Variants in FLRT2 observed in about 807,000 individuals in gnomAD.
FLRT2 encodes the protein fibronectin leucine rich transmembrane protein 2.
In FLRT2, 15 loss-of-function variants were observed where a neutral mutation model predicts 40.0. That is an observed-to-expected ratio of 0.38 (90% CI 0.25 to 0.58). The LOEUF (loss-of-function observed/expected upper bound fraction) is 0.58, where lower values mean the gene tolerates loss of function less well. Among genes scored for constraint, FLRT2 ranks in the 20% least tolerant of loss-of-function variants. The pLI is 0.71. For synonymous variants in FLRT2, 380 were observed against 336.8 expected (o/e 1.13, Z -1.41); for missense variants, 726 against 840.0 (o/e 0.86, Z 1.68).
intron 1 of FLRT2, among the ~76,000 whole-genome samples, chr14:85,545,786 C>G (rs911899209): frequency 6.6e-6 from 1 of 152,186 alleles, no homozygotes; most frequent in African/African-American, 2.4e-5. Flanking sequence ...TTGTAGAGAA[C>G]ACTCTCCATT....
At chr14:85,568,718 C>T (rs1890748938) in intron 1 of FLRT2, among the ~76,000 whole-genome samples, 1 of 152,168 alleles carries the variant, frequency 6.6e-6, no homozygotes, top group Admixed American at 6.5e-5. Flanking sequence ...ACTATGGAGC[C>T]CAACCTTGGC....
chr14:85,641,073 G>T lies in FLRT2; in HGVS notation c.*17576G>T, dbSNP rs901846545. On this transcript the variant is annotated 3_prime_UTR_variant, in exon 2 of 2. Transcript: ENST00000330753. ...CAATTATTCTAATCCCTTCCACAAA[G>T]TATTTAGTCTATGACTTATTTCTGC... The T allele has an allele frequency of 6.6e-6, 1 of 152,186 alleles. No homozygotes were observed. Among genetic ancestry groups the T allele is most frequent in the Non-Finnish European group, 1.5e-5 (1 of 68,038 alleles). 9.4% of individuals were successfully genotyped at this position (152,186 alleles called of 1,614,324 possible).
At chr14:85,567,138 G>T (rs12886918) in intron 1 of FLRT2, among the ~76,000 whole-genome samples, 1 of 151,806 alleles carries the variant, frequency 6.6e-6, no homozygotes, top group Admixed American at 6.6e-5. Flanking sequence ...CTGCAAACAC[G>T]TGCATAAAGT....
intron 1 of FLRT2, among the ~76,000 whole-genome samples, chr14:85,542,354 C>T (rs1055398291): frequency 1.8e-4 from 28 of 151,664 alleles, no homozygotes; most frequent in Non-Finnish European, 2.1e-4. Context: ...TTGAGATTTG[C>T]CCCTGTTTTT....
At chr14:85,574,266 A>G (rs1734371489) in intron 1 of FLRT2, among the ~76,000 whole-genome samples, 1 of 151,130 alleles carries the variant, frequency 6.6e-6, no homozygotes, top group African/African-American at 2.4e-5. Context: ...ACATATATGT[A>G]TAATAGTATA....
intron 1 of FLRT2, among the ~76,000 whole-genome samples, chr14:85,576,922 T>C (rs1180454100): frequency 2.0e-5 from 3 of 152,232 alleles, no homozygotes; most frequent in Non-Finnish European, 4.4e-5. Flanking sequence ...ACGTTTTGTA[T>C]TTCTATTTAG....
chr14:85,622,320 T>C lies in FLRT2; in HGVS notation c.806T>C (p.Leu269Ser). The C allele has an allele frequency of 6.2e-7, 1 of 1,614,142 alleles. No individual in the cohort carries two copies. The highest frequency in any genetic ancestry group is 1.1e-5 in the South Asian group (1 of 91,080). Residue 269 changes from leucine (L) to serine (S), a missense_variant, in exon 2 of 2, where the codon TTG becomes TCG. By Grantham distance (145) the Leu-to-Ser change is moderately radical (BLOSUM62 -2). Transcript: ENST00000330753. ...GACAACCAGATAAACCACATTCCTT[T>C]GACAGCCTTCTCAAATCTGCGTAAG... ...LQDNQINHIPLTAFSNLRKLE... is the reference protein window; with the variant it reads ...LQDNQINHIPSTAFSNLRKLE...
At chr14:85,553,488 A>C (rs1889767208) in intron 1 of FLRT2, among the ~76,000 whole-genome samples, 1 of 152,154 alleles carries the variant, frequency 6.6e-6, no homozygotes, top group African/African-American at 2.4e-5. Context: ...AAAATCACAA[A>C]AATTCTTATG....
At position 85,627,236 on chromosome 14, in the gene FLRT2, GA is replaced by G. The variant is rs777918165; in HGVS notation, c.*3745del. 2 of 166,958 alleles carry G rather than the reference GA, an allele frequency of 1.2e-5. No homozygotes were observed. The highest frequency in any genetic ancestry group is 2.4e-5 in the African/African-American group (1 of 41,436). 10.3% of individuals were successfully genotyped at this position (166,958 alleles called of 1,614,324 possible). ...AAAGCAGAAAACAGTGCCCCAAATGGAAAAAAGATACTCACACAGAACAAAA... is the reference window on the plus strand; with the variant it reads ...AAAGCAGAAAACAGTGCCCCAAATGGAAAAAGATACTCACACAGAACAAAA... On this transcript the variant is annotated 3_prime_UTR_variant, in exon 2 of 2. Transcript: ENST00000330753.
intron 1 of FLRT2, among the ~76,000 whole-genome samples, chr14:85,570,612 C>T (rs1056762233): frequency 6.7e-6 from 1 of 149,170 alleles, no homozygotes; most frequent in African/African-American, 2.5e-5. Flanking sequence ...GACAGAATCT[C>T]ACTCTGTCGC....
At chr14:85,547,815 A>G (rs1463462537) in intron 1 of FLRT2, among the ~76,000 whole-genome samples, 1 of 152,130 alleles carries the variant, frequency 6.6e-6, no homozygotes, top group Non-Finnish European at 1.5e-5. Context: ...TTTTAGGGAG[A>G]CATAAGACAT....
At position 85,631,703 on chromosome 14, in the gene FLRT2, G is replaced by T. The variant is rs2139385925; in HGVS notation, c.*8206G>T. The T allele has an allele frequency of 6.6e-6, 1 of 152,202 alleles. No individual in the cohort carries two copies. The highest frequency in any genetic ancestry group is 1.5e-5 in the Non-Finnish European group (1 of 68,002). The allele number at this position is 152,202 out of a possible 1,614,324, so 9.4% of individuals were successfully genotyped here. ...CATCAACATTTTTAAAAGAAATTTT[G>T]TTTTTATGATTATTTGGTGGCCATG... On this transcript the variant is annotated 3_prime_UTR_variant, in exon 2 of 2. Transcript: ENST00000330753.
chr14:85,616,320 C>CAA (rs59010798), intron 1 of FLRT2, among the ~76,000 whole-genome samples: 318 of 127,622 alleles, frequency 2.5e-3, no homozygotes, highest in South Asian at 7.3e-3. Flanking sequence ...ATTTAAAAGA[C>CAA]AAAAAAAAAA....
At chr14:85,581,810 A>G (rs778090742) in intron 1 of FLRT2, among the ~76,000 whole-genome samples, 1 of 152,180 alleles carries the variant, frequency 6.6e-6, no homozygotes, top group African/African-American at 2.4e-5. Context: ...GTTTCATTTG[A>G]GTAAAGCTTG....
intron 1 of FLRT2, among the ~76,000 whole-genome samples, chr14:85,617,288 G>T (rs1275757902): frequency 6.6e-6 from 1 of 152,138 alleles, no homozygotes; most frequent in Non-Finnish European, 1.5e-5. Context: ...CAATTACATA[G>T]AGAACAATCA....
intron 1 of FLRT2, among the ~76,000 whole-genome samples, chr14:85,532,878 G>A (rs1212244099): frequency 6.6e-6 from 1 of 152,192 alleles, no homozygotes; most frequent in African/African-American, 2.4e-5. Flanking sequence ...CCTCTTGGCA[G>A]TACACCATTA....
At chr14:85,619,125 T>C (rs1417418105) in intron 1 of FLRT2, among the ~76,000 whole-genome samples, 1 of 151,004 alleles carries the variant, frequency 6.6e-6, no homozygotes, top group Non-Finnish European at 1.5e-5. Flanking sequence ...GTTCTTGCTC[T>C]GTCACCCAGG....
At chr14:85,605,765 C>A (rs2139341401) in intron 1 of FLRT2, among the ~76,000 whole-genome samples, 1 of 152,074 alleles carries the variant, frequency 6.6e-6, no homozygotes, top group Non-Finnish European at 1.5e-5. Context: ...GACTCCATCT[C>A]AAAAATAAAA....
intron 1 of FLRT2, among the ~76,000 whole-genome samples, chr14:85,577,587 AT>A (rs764441299): frequency 2.8e-4 from 41 of 148,892 alleles, no homozygotes; most frequent in East Asian, 6.0e-4. Flanking sequence ...TTTCCTGATT[AT>A]TTTTTTTTTT....
Sources: allele counts gnomAD v4.1 joint callset (sites outside exome capture counted in the v4.1 genomes callset), GRCh38; gene constraint gnomAD v4.1.1; transcripts MANE v1.5; gene names NCBI Gene and HGNC (gene_info 2026-07-23, HGNC 2026-07-21).